CEBPG: variants seen among roughly 807,000 people sequenced by gnomAD.
CEBPG encodes CCAAT/enhancer-binding protein gamma.
In CEBPG, 6 loss-of-function variants were observed where a neutral mutation model predicts 11.1. The ratio of observed to expected loss-of-function variants is 0.54; its 90% CI spans 0.30 to 1.07. CEBPG has a LOEUF of 1.07. Ranked by LOEUF, CEBPG falls within the 50% of genes least tolerant of loss-of-function variation. CEBPG has a pLI of 0.07. For synonymous variants in CEBPG, 66 were observed against 71.0 expected (o/e 0.93, Z 0.36); for missense variants, 161 against 187.4 (o/e 0.86, Z 0.82).
intron 1 of CEBPG, among the ~76,000 whole-genome samples, chr19:33,376,750 A>G (rs1379160004): frequency 6.6e-6 from 1 of 152,206 alleles, no homozygotes; most frequent in Non-Finnish European, 1.5e-5. Flanking sequence ...TGAATTTAGG[A>G]CTGAGTGTCC....
Position 33,379,167 on chromosome 19 carries a change from G to A in CEBPG, c.-73G>A. 7.3e-7 allele frequency: 1 copy of A among 1,374,834 alleles called. No individual in the cohort carries two copies. The highest frequency in any genetic ancestry group is 9.7e-7 in the Non-Finnish European group (1 of 1,031,670). 85.2% of individuals were successfully genotyped at this position (1,374,834 alleles called of 1,614,324 possible). A position where few individuals can be genotyped will look rare whatever the true frequency, so the allele number is the denominator to read the frequency against. ...AGGTACATGTGAAGATTTTTTGGCA[G>A]CTTAGCGTGGAAACCATTGATCACC... On this transcript the variant is annotated 5_prime_UTR_variant, in exon 2 of 2. Transcript: ENST00000284000.
chr19:33,375,209 A>G (rs1967897837), intron 1 of CEBPG, among the ~76,000 whole-genome samples: 1 of 152,232 alleles, frequency 6.6e-6, no homozygotes, highest in South Asian at 2.1e-4. Context: ...TATCCTTTAA[A>G]TTCTCAAGAT....
At chr19:33,378,471 C>T (rs984311423) in intron 1 of CEBPG, among the ~76,000 whole-genome samples, 1 of 152,116 alleles carries the variant, frequency 6.6e-6, no homozygotes, top group Non-Finnish European at 1.5e-5. Flanking sequence ...TTTTTACAAG[C>T]TTGGTGGGAT....
At position 33,379,293 on chromosome 19, in the gene CEBPG, T is replaced by TA. The variant is rs1050984762; in HGVS notation, c.55dup (p.Ile19AsnfsTer45). On this transcript the variant is annotated frameshift_variant, in exon 2 of 2. Coordinates refer to ENST00000284000, the MANE Select transcript of CEBPG (RefSeq NM_001806.4). ...CTCCAGGGGTGAACGGAATTAGTGT[T>TA]ATCCATACCCAGGCACATGCCAGCG... The TA allele has an allele frequency of 1.9e-6, 3 of 1,601,754 alleles. No homozygotes were observed. The African/African-American group carries it at 4.1e-5, about 22-fold the overall frequency.
chr19:33,378,705 G>A (rs1017120689), intron 1 of CEBPG, among the ~76,000 whole-genome samples: 2 of 152,242 alleles, frequency 1.3e-5, no homozygotes, highest in Non-Finnish European at 2.9e-5. Context: ...TGAGAGCGCT[G>A]GAGACAGGGT....
intron 1 of CEBPG, among the ~76,000 whole-genome samples, chr19:33,378,280 G>A (rs1182577514): frequency 1.3e-5 from 2 of 152,158 alleles, no homozygotes. Flanking sequence ...GAGCTCACAC[G>A]AGCTCATTTG....
chr19:33,377,979 C>T (rs1448387828), intron 1 of CEBPG, among the ~76,000 whole-genome samples: 1 of 152,164 alleles, frequency 6.6e-6, no homozygotes, highest in African/African-American at 2.4e-5. Flanking sequence ...ATTTTTTCCA[C>T]TGATGTGATT....
At position 33,380,746 on chromosome 19, in the gene CEBPG, C is replaced by T. The variant is rs1030747627; in HGVS notation, c.*1054C>T. On this transcript the variant is annotated 3_prime_UTR_variant, in exon 2 of 2. Transcript: ENST00000284000. Reference sequence around the variant, plus strand: ...GAAATGTATCAACTCCATGCCATCTCCCAAAATAATTGTCTAAGAAAACTT... The same window carrying T: ...GAAATGTATCAACTCCATGCCATCTTCCAAAATAATTGTCTAAGAAAACTT... The T allele has an allele frequency of 1.6e-4, 27 of 166,802 alleles. No homozygotes were observed. Among genetic ancestry groups the T allele is most frequent in the African/African-American group, 6.0e-4 (25 of 41,460 alleles). The allele number at this position is 166,802 out of a possible 1,614,324, so 10.3% of individuals were successfully genotyped here. A position where few individuals can be genotyped will look rare whatever the true frequency, so the allele number is the denominator to read the frequency against.
chr19:33,375,501 A>G (rs1023145658), intron 1 of CEBPG, among the ~76,000 whole-genome samples: 2 of 151,920 alleles, frequency 1.3e-5, no homozygotes, highest in Non-Finnish European at 2.9e-5. Flanking sequence ...CTCTATCAGT[A>G]AAAAAAAGAC....
At chr19:33,377,371 A>G (rs1464886997) in intron 1 of CEBPG, among the ~76,000 whole-genome samples, 1 of 152,208 alleles carries the variant, frequency 6.6e-6, no homozygotes, top group African/African-American at 2.4e-5. Context: ...ACCGCTTTGG[A>G]TCATTGCTAT....
intron 1 of CEBPG, among the ~76,000 whole-genome samples, chr19:33,376,221 A>G (rs939964440): frequency 6.6e-6 from 1 of 152,194 alleles, no homozygotes; most frequent in Non-Finnish European, 1.5e-5. Flanking sequence ...ATTGGGTTCT[A>G]GGTCTGTGGA....
chr19:33,379,040 T>A (rs2145311590), intron 1 of CEBPG, 104 bp from the exon 2 acceptor site: 1 of 486,344 alleles, frequency 2.1e-6, no homozygotes, highest in East Asian at 3.2e-5. Context: ...TAGACTTTTC[T>A]CAGCAGAATC....
chr19:33,373,846 G>C lies in CEBPG; in HGVS notation c.-146G>C, dbSNP rs938897589. ...GGGTCGGCTCGGGCCGCACCGCGCGGGGCCGCTCGGAGTGGAGGCCGCCTG... is the reference window on the plus strand; with the variant it reads ...GGGTCGGCTCGGGCCGCACCGCGCGCGGCCGCTCGGAGTGGAGGCCGCCTG... On this transcript the variant is annotated 5_prime_UTR_variant, in exon 1 of 2. Transcript: ENST00000284000. 12 of 151,782 alleles carry C rather than the reference G, an allele frequency of 7.9e-5. No homozygotes were observed. Among genetic ancestry groups the C allele is most frequent in the African/African-American group, 2.9e-4 (12 of 41,370 alleles). The allele number at this position is 151,782 out of a possible 1,614,324, so 9.4% of individuals were successfully genotyped here. A position where few individuals can be genotyped will look rare whatever the true frequency, so the allele number is the denominator to read the frequency against.
Position 33,379,513 on chromosome 19 carries a change from CAG to C in CEBPG, c.279_280del (p.Arg93SerfsTer9). ...KSKQKAQDTLQRVNQLKEENE... is the reference protein window; with the variant it reads ...KSKQKAQDTLXRVNQLKEENE... ...CAAGCAGAAAGCACAAGACACACTG[CAG>C]AGAGTCAATCAGCTCAAAGAAGAGA... On this transcript the variant is annotated frameshift_variant, in exon 2 of 2. Transcript: ENST00000284000. The C allele has an allele frequency of 6.2e-7, 1 of 1,613,954 alleles. No individual in the cohort carries two copies. Among genetic ancestry groups the C allele is most frequent in the Non-Finnish European group, 8.5e-7 (1 of 1,179,956 alleles).
chr19:33,375,665 C>A (rs1050575568), intron 1 of CEBPG, among the ~76,000 whole-genome samples: 1 of 152,146 alleles, frequency 6.6e-6, no homozygotes, highest in African/African-American at 2.4e-5. Flanking sequence ...AGAAAGGGGA[C>A]GTCCCCTTCC....
At chr19:33,375,065 A>C (rs1967896281) in intron 1 of CEBPG, among the ~76,000 whole-genome samples, 1 of 152,238 alleles carries the variant, frequency 6.6e-6, no homozygotes, top group South Asian at 2.1e-4. Context: ...AGGCTAAATA[A>C]TTACAGGGTA....
chr19:33,377,443 TA>T (rs200821829), intron 1 of CEBPG, among the ~76,000 whole-genome samples: 15 of 151,160 alleles, frequency 9.9e-5, no homozygotes, highest in African/African-American at 2.7e-4. Context: ...ATTGGTATAT[TA>T]AAAAAAAAGT....
intron 1 of CEBPG, among the ~76,000 whole-genome samples, chr19:33,377,372 T>C (rs1307746431): frequency 6.6e-6 from 1 of 152,188 alleles, no homozygotes; most frequent in Non-Finnish European, 1.5e-5. Context: ...CCGCTTTGGA[T>C]CATTGCTATC....
rs1967985615 is a variant in CEBPG, at chr19:33,381,339, C to T, written c.*1647C>T. On this transcript the variant is annotated 3_prime_UTR_variant, in exon 2 of 2. Coordinates refer to ENST00000284000, the MANE Select transcript of CEBPG (RefSeq NM_001806.4). The stretch of plus-strand genomic sequence containing the variant: ...GCCGTTTCTGGGCAGGAGAAGACAT[C>T]ATGGTGTCCAGCAACTCAGCAAAGC... 1 of 167,090 alleles carries T rather than the reference C, an allele frequency of 6.0e-6. No individual in the cohort carries two copies. Among genetic ancestry groups the T allele is most frequent in the African/African-American group, 2.4e-5 (1 of 41,456 alleles). The allele number at this position is 167,090 out of a possible 1,614,324, so 10.4% of individuals were successfully genotyped here. A position where few individuals can be genotyped will look rare whatever the true frequency, so the allele number is the denominator to read the frequency against.
Sources: allele counts gnomAD v4.1 joint callset (sites outside exome capture counted in the v4.1 genomes callset), GRCh38; gene constraint gnomAD v4.1.1; transcripts MANE v1.5; gene names NCBI Gene and HGNC (gene_info 2026-07-23, HGNC 2026-07-21).